ZFPM2: variants seen among roughly 807,000 people sequenced by gnomAD.
ZFPM2 encodes the protein zinc finger protein ZFPM2.
In ZFPM2, 20 loss-of-function variants were observed where a neutral mutation model predicts 98.6. That is an observed-to-expected ratio of 0.20 (90% CI 0.14 to 0.29). The LOEUF is 0.29. Among genes scored for constraint, ZFPM2 ranks in the 10% least tolerant of loss-of-function variants. The pLI is 1.00. For missense variants in ZFPM2, 1,310 were observed against 1,388.6 expected (o/e 0.94, Z 0.90); for synonymous variants, 518 against 502.7 (o/e 1.03, Z -0.41).
chr8:105,432,089 G>T (rs1812032445), intron 2 of ZFPM2, among the ~76,000 whole-genome samples: 1 of 152,006 alleles, frequency 6.6e-6, no homozygotes, highest in Admixed American at 6.6e-5. Flanking sequence ...TTGGGCCAGA[G>T]AGACCAGGAA....
chr8:105,552,616 A>G (rs567828200), intron 3 of ZFPM2, among the ~76,000 whole-genome samples: 75 of 151,898 alleles, frequency 4.9e-4, no homozygotes, highest in Middle Eastern at 3.4e-3. Context: ...ACTCCAGGTG[A>G]ATATTTTCAG....
intron 1 of ZFPM2, among the ~76,000 whole-genome samples, chr8:105,335,742 A>G (rs1044897582): frequency 1.3e-5 from 2 of 151,796 alleles, no homozygotes; most frequent in African/African-American, 2.4e-5. Context: ...ACTGAAGATG[A>G]TCAAGTTAGA....
At chr8:105,360,438 C>T (rs923295887) in intron 1 of ZFPM2, among the ~76,000 whole-genome samples, 2 of 151,980 alleles carry the variant, frequency 1.3e-5, no homozygotes, top group Non-Finnish European at 2.9e-5. Context: ...TATAACATAG[C>T]TTGTTTAAAA....
intron 5 of ZFPM2, among the ~76,000 whole-genome samples, chr8:105,661,248 G>A (rs914210373): frequency 7.9e-5 from 12 of 152,122 alleles, no homozygotes; most frequent in African/African-American, 2.9e-4. Flanking sequence ...AATAAAAATT[G>A]TAAAAGAAAA....
intron 3 of ZFPM2, among the ~76,000 whole-genome samples, chr8:105,551,966 A>T (rs1473287871): frequency 6.8e-6 from 1 of 147,494 alleles, no homozygotes; most frequent in Non-Finnish European, 1.5e-5. Context: ...TAAGTGAATT[A>T]TCTTCTTCTA....
intron 4 of ZFPM2, among the ~76,000 whole-genome samples, chr8:105,601,720 A>G (rs1392913012): frequency 1.3e-5 from 2 of 152,100 alleles, no homozygotes; most frequent in African/African-American, 4.8e-5. Context: ...AGAAAGTCAC[A>G]CAGTTGATGA....
intron 4 of ZFPM2, among the ~76,000 whole-genome samples, chr8:105,581,561 T>G: frequency 6.6e-6 from 1 of 152,150 alleles, no homozygotes; most frequent in East Asian, 1.9e-4. Context: ...TGTTTATAAA[T>G]ACTGTAATTG....
chr8:105,540,123 A>G (rs1261160393), intron 3 of ZFPM2, among the ~76,000 whole-genome samples: 1 of 151,950 alleles, frequency 6.6e-6, no homozygotes, highest in African/African-American at 2.4e-5. Context: ...CTGTGTTTTC[A>G]TACCCCACCT....
At chr8:105,342,130 TTAA>T (rs1812441169) in intron 1 of ZFPM2, among the ~76,000 whole-genome samples, 1 of 152,064 alleles carries the variant, frequency 6.6e-6, no homozygotes, top group Non-Finnish European at 1.5e-5. Context: ...ATCTCTACAC[TTAA>T]TAATGCCTTA....
At chr8:105,557,432 A>C (rs904500799) in intron 3 of ZFPM2, among the ~76,000 whole-genome samples, 3 of 152,056 alleles carry the variant, frequency 2.0e-5, no homozygotes, top group Non-Finnish European at 4.4e-5. Flanking sequence ...TCCTTATTTT[A>C]CTCTTAATTC....
At chr8:105,750,136 T>C (rs1338094087) in intron 5 of ZFPM2, among the ~76,000 whole-genome samples, 1 of 152,060 alleles carries the variant, frequency 6.6e-6, no homozygotes, top group Admixed American at 6.6e-5. Flanking sequence ...TATTGAAATC[T>C]TCAAAAACTC....
intron 4 of ZFPM2, among the ~76,000 whole-genome samples, chr8:105,565,384 A>G (rs1345023005): frequency 6.6e-6 from 1 of 152,204 alleles, no homozygotes; most frequent in Non-Finnish European, 1.5e-5. Flanking sequence ...TAAAAGTTTT[A>G]TAATAGCAGC....
intron 5 of ZFPM2, among the ~76,000 whole-genome samples, chr8:105,716,639 A>G (rs1811530104): frequency 6.6e-6 from 1 of 152,042 alleles, no homozygotes; most frequent in South Asian, 2.1e-4. Context: ...AGGATTTCCC[A>G]GAATAGGTCT....
At chr8:105,419,092 T>C (rs1180349353) in intron 1 of ZFPM2, 52 bp from the exon 2 acceptor site, 3 of 1,568,946 alleles carry the variant, frequency 1.9e-6, no homozygotes, top group Non-Finnish European at 2.6e-6. Flanking sequence ...GGATTTTATT[T>C]CACTGTCTTC....
intron 5 of ZFPM2, among the ~76,000 whole-genome samples, chr8:105,646,696 T>C (rs1586171500): frequency 1.3e-5 from 2 of 152,190 alleles, no homozygotes; most frequent in Admixed American, 6.5e-5. Flanking sequence ...TTTAATACTT[T>C]GATCTCAGCA....
intron 3 of ZFPM2, among the ~76,000 whole-genome samples, chr8:105,526,446 A>G (rs1814174805): frequency 6.6e-6 from 1 of 152,200 alleles, no homozygotes; most frequent in Non-Finnish European, 1.5e-5. Context: ...TGATATGAAG[A>G]GAAGATACTC....
chr8:105,565,090 C>T (rs1455620566), intron 4 of ZFPM2, among the ~76,000 whole-genome samples: 1 of 152,158 alleles, frequency 6.6e-6, no homozygotes, highest in African/African-American at 2.4e-5. Context: ...ATTCAGCTCA[C>T]TAATTAATCC....
At position 105,745,380 on chromosome 8, in the gene ZFPM2, A is replaced by G. The variant is rs189310518; in HGVS notation, c.533-43338A>G. ...TATTCATGCATGTATTTACTGAAGTAAAAGAAATAAACATGTTGTAACTGT... is the reference window on the plus strand; with the variant it reads ...TATTCATGCATGTATTTACTGAAGTGAAAGAAATAAACATGTTGTAACTGT... On this transcript the variant is annotated intron_variant, in intron 5 of 7. Transcript: ENST00000407775. Among the ~76,000 whole-genome samples the G allele has an allele frequency of 2.6e-4, 40 of 152,298 alleles. No homozygotes were observed. The East Asian group carries it at 6.2e-3, about 24-fold the overall frequency.
intron 5 of ZFPM2, among the ~76,000 whole-genome samples, chr8:105,635,215 A>C (rs2130841402): frequency 6.6e-6 from 1 of 152,308 alleles, no homozygotes; most frequent in East Asian, 1.9e-4. Context: ...CTGAGATCAA[A>C]GATGTATTTG....
Sources: allele counts gnomAD v4.1 joint callset (sites outside exome capture counted in the v4.1 genomes callset), GRCh38; gene constraint gnomAD v4.1.1; transcripts MANE v1.5; gene names NCBI Gene and HGNC (gene_info 2026-07-23, HGNC 2026-07-21).